Variants in CNTLN observed in about 807,000 individuals in gnomAD.
The protein encoded by CNTLN is centlein, also known as centlein, centrosomal protein.
In CNTLN, 212 loss-of-function variants were observed where a neutral mutation model predicts 180.0. The ratio of observed to expected loss-of-function variants is 1.18; its 90% CI spans 1.05 to 1.32. The LOEUF is 1.32. Among genes scored for constraint, CNTLN ranks in the 40% most tolerant of loss-of-function variants. The pLI is 0.00. For missense variants in CNTLN, 2,095 were observed against 1,610.9 expected (o/e 1.30, Z -5.14); for synonymous variants, 722 against 563.1 (o/e 1.28, Z -3.99).
chr9:17,438,616 T>C (rs1829925347), intron 18 of CNTLN, among the ~76,000 whole-genome samples: 1 of 152,120 alleles, frequency 6.6e-6, no homozygotes, highest in South Asian at 2.1e-4. Flanking sequence ...ACTAAATCCT[T>C]AGGATCTAAA....
chr9:17,219,245 T>C (rs1823969765), intron 2 of CNTLN, among the ~76,000 whole-genome samples: 1 of 146,460 alleles, frequency 6.8e-6, no homozygotes, highest in Admixed American at 6.7e-5. Flanking sequence ...TTTTTTTTTC[T>C]TTTTAAGGAA....
intron 5 of CNTLN, among the ~76,000 whole-genome samples, chr9:17,272,057 C>T (rs912222198): frequency 7.8e-6 from 1 of 128,826 alleles, no homozygotes. Flanking sequence ...CTTCCTTCCT[C>T]TCTCTTTCCT....
chr9:17,253,374 A>G (rs1258221350), intron 5 of CNTLN, among the ~76,000 whole-genome samples: 4 of 151,702 alleles, frequency 2.6e-5, no homozygotes, highest in Admixed American at 2.6e-4. Flanking sequence ...CATTTTAACA[A>G]TATTAATTAA....
chr9:17,252,867 T>A (rs1826232011), intron 5 of CNTLN, among the ~76,000 whole-genome samples: 3 of 147,398 alleles, frequency 2.0e-5, no homozygotes, highest in African/African-American at 7.8e-5. Flanking sequence ...GAGTTTTCTC[T>A]ATGTTTTCTT....
At chr9:17,527,745 G>T in the CNTLN span, among the ~76,000 whole-genome samples, 1 of 152,124 alleles carries the variant, frequency 6.6e-6, no homozygotes, top group Non-Finnish European at 1.5e-5. Flanking sequence ...GGGCTCTTGG[G>T]AGAAATGGCT....
intron 5 of CNTLN, among the ~76,000 whole-genome samples, chr9:17,250,308 A>G (rs1826060939): frequency 6.6e-6 from 1 of 151,790 alleles, no homozygotes; most frequent in African/African-American, 2.4e-5. Context: ...TGTTTTCTTT[A>G]TGTTTTATGC....
chr9:17,353,033 G>A (rs1016612604), intron 12 of CNTLN, among the ~76,000 whole-genome samples: 1 of 152,148 alleles, frequency 6.6e-6, no homozygotes. Flanking sequence ...TGTATACAAG[G>A]GATTGTTTGA....
At chr9:17,511,646 T>TCA in the CNTLN span, among the ~76,000 whole-genome samples, 27 of 62,052 alleles carry the variant, frequency 4.4e-4, no homozygotes, top group Middle Eastern at 0.026. Context: ...TCTCTCTCTC[T>TCA]CTCACACACA....
At chr9:17,514,884 A>G in the CNTLN span, among the ~76,000 whole-genome samples, 2 of 152,146 alleles carry the variant, frequency 1.3e-5, no homozygotes, top group African/African-American at 4.8e-5. Context: ...TTGTTCCTTC[A>G]TGTTCTTTTG....
chr9:17,402,126 T>C (rs1283522806), intron 15 of CNTLN, among the ~76,000 whole-genome samples: 2 of 151,832 alleles, frequency 1.3e-5, no homozygotes, highest in East Asian at 1.9e-4. Flanking sequence ...CACCTAAGGC[T>C]ATGCGATTTC....
At chr9:17,292,218 G>A (rs1829463911) in intron 6 of CNTLN, among the ~76,000 whole-genome samples, 1 of 151,994 alleles carries the variant, frequency 6.6e-6, no homozygotes, top group Non-Finnish European at 1.5e-5. Flanking sequence ...CTTTCTCTCT[G>A]GCTGCTGTTA....
intron 18 of CNTLN, among the ~76,000 whole-genome samples, chr9:17,438,602 A>T (rs538165520): frequency 3.9e-5 from 6 of 152,198 alleles, no homozygotes; most frequent in Non-Finnish European, 8.8e-5. Flanking sequence ...AGAATTAAAA[A>T]GAAACTAAAT....
chr9:17,360,907 G>A (rs576911038), intron 12 of CNTLN, among the ~76,000 whole-genome samples: 1 of 151,990 alleles, frequency 6.6e-6, no homozygotes, highest in South Asian at 2.1e-4. Context: ...TGTTGGGTAT[G>A]GAGTGTTTTA....
the CNTLN span, among the ~76,000 whole-genome samples, chr9:17,512,877 C>T: frequency 3.3e-5 from 5 of 152,202 alleles, no homozygotes; most frequent in East Asian, 5.8e-4. Flanking sequence ...AGTGTGGTGG[C>T]GCGATCTCAG....
chr9:17,439,879 A>T (rs550400368), intron 18 of CNTLN, among the ~76,000 whole-genome samples: 2 of 152,224 alleles, frequency 1.3e-5, no homozygotes, highest in Admixed American at 6.5e-5. Context: ...CAGACACCAG[A>T]TCTATCCACA....
chr9:17,369,465 C>A (rs181470698), intron 13 of CNTLN, among the ~76,000 whole-genome samples: 229 of 151,910 alleles, frequency 1.5e-3, no homozygotes, highest in Non-Finnish European at 2.1e-3. Flanking sequence ...AGATATGTAG[C>A]CTTTCAGACA....
At chr9:17,423,621 C>G (rs1213160412) in intron 18 of CNTLN, among the ~76,000 whole-genome samples, 1 of 152,104 alleles carries the variant, frequency 6.6e-6, no homozygotes, top group Non-Finnish European at 1.5e-5. Context: ...CAGACTTGCC[C>G]AAGGACCGCA....
At chr9:17,272,174 T>A (rs1308954888) in intron 5 of CNTLN, among the ~76,000 whole-genome samples, 3 of 150,974 alleles carry the variant, frequency 2.0e-5, no homozygotes, top group East Asian at 4.0e-4. Context: ...CCTCCTGGGT[T>A]CAAGCGATTC....
intron 5 of CNTLN, among the ~76,000 whole-genome samples, chr9:17,253,927 C>A (rs769489362): frequency 4.6e-5 from 7 of 151,178 alleles, no homozygotes; most frequent in Non-Finnish European, 7.4e-5. Context: ...TATATATGGT[C>A]TTTATTATTT....
Sources: gnomAD v4.1 joint callset for allele counts (sites outside exome capture counted in the v4.1 genomes callset) on GRCh38, gnomAD v4.1.1 for gene constraint, MANE v1.5 for transcripts, NCBI Gene and HGNC (gene_info 2026-07-23, HGNC 2026-07-21) for gene names.